Variants in SKIC2 observed in about 807,000 individuals in gnomAD.
The protein encoded by SKIC2 is SKI2 subunit of superkiller complex.
At chr6:31,961,159 G>A in the SKIC2 span, 1 of 1,611,072 alleles carries the variant, frequency 6.2e-7, no homozygotes, top group Non-Finnish European at 8.5e-7. Flanking sequence ...AACAGAGATG[G>A]ACATGACAAG....
the SKIC2 span, chr6:31,960,693 A>T: frequency 6.3e-7 from 1 of 1,586,956 alleles, no homozygotes; most frequent in Non-Finnish European, 8.6e-7. Context: ...ACCATAACAG[A>T]TCTGAACACA....
chr6:31,963,731 C>T, the SKIC2 span: 2 of 1,542,220 alleles, frequency 1.3e-6, no homozygotes, highest in East Asian at 2.3e-5. The surrounding 1 kb of genome is among the most constrained non-coding windows in gnomAD (Gnocchi z 5.3). Context: ...GGGCCCTGCA[C>T]AGGTGAGAAC....
the SKIC2 span, chr6:31,968,529 T>C: frequency 2.5e-6 from 4 of 1,612,586 alleles, no homozygotes; most frequent in African/African-American, 1.3e-5. The surrounding 1 kb of genome is among the most constrained non-coding windows in gnomAD (Gnocchi z 6.1). Flanking sequence ...GCCCCCGTTT[T>C]CCTGCCCAGG....
the SKIC2 span, chr6:31,966,939 G>C: frequency 1.2e-6 from 2 of 1,613,158 alleles, no homozygotes; most frequent in East Asian, 2.2e-5. The surrounding 1 kb of genome is among the most constrained non-coding windows in gnomAD (Gnocchi z 5.9). Flanking sequence ...TGTGTTGAGG[G>C]TGGGGAGTGT....
At chr6:31,964,371 C>A in the SKIC2 span, 1 of 1,569,440 alleles carries the variant, frequency 6.4e-7, no homozygotes, top group East Asian at 2.3e-5. The surrounding 1 kb of genome is among the most constrained non-coding windows in gnomAD (Gnocchi z 5.0). Context: ...AGGGACTCCT[C>A]AGGGTGCTTG....
chr6:31,960,367 TG>T, the SKIC2 span: 1 of 1,601,452 alleles, frequency 6.2e-7, no homozygotes, highest in African/African-American at 1.3e-5. Context: ...GAGAAACAGT[TG>T]GGGAGAAGGG....
chr6:31,965,471 CAAAA>C, the SKIC2 span, among the ~76,000 whole-genome samples: 677 of 152,106 alleles, frequency 4.5e-3, 11 homozygotes, highest in South Asian at 0.041. This position sits in a 1 kb window ranked among gnomAD's most constrained non-coding sequence, Gnocchi z 5.6. Context: ...TACAAGCTCA[CAAAA>C]GAAGACATGT....
chr6:31,959,439 GTCCAAACC>G, the SKIC2 span: 1 of 1,379,972 alleles, frequency 7.2e-7, no homozygotes, highest in Non-Finnish European at 1.0e-6. Context: ...CCCGCATTGA[GTCCAAACC>G]TCCTTCACCC....
At chr6:31,967,187 A>G in the SKIC2 span, 1 of 1,607,410 alleles carries the variant, frequency 6.2e-7, no homozygotes, top group African/African-American at 1.3e-5. The surrounding 1 kb of genome is among the most constrained non-coding windows in gnomAD (Gnocchi z 4.9). Context: ...AAGGGAAGAG[A>G]AGATCGTGTT....
the SKIC2 span, chr6:31,963,626 C>A: frequency 6.5e-7 from 1 of 1,535,190 alleles, no homozygotes. The surrounding 1 kb of genome is among the most constrained non-coding windows in gnomAD (Gnocchi z 5.3). Flanking sequence ...CTACCCCTCC[C>A]TGTGCCCCAG....
At chr6:31,963,306 G>T in the SKIC2 span, 1 of 1,087,508 alleles carries the variant, frequency 9.2e-7, no homozygotes. This position sits in a 1 kb window ranked among gnomAD's most constrained non-coding sequence, Gnocchi z 5.3. Flanking sequence ...CTTCCATTCT[G>T]GGTCTCAGAA....
At chr6:31,967,203 A>G in the SKIC2 span, 1 of 1,608,368 alleles carries the variant, frequency 6.2e-7, no homozygotes, top group African/African-American at 1.3e-5. This position sits in a 1 kb window ranked among gnomAD's most constrained non-coding sequence, Gnocchi z 4.9. Flanking sequence ...GTGTTACTCT[A>G]GGTGCTACTA....
At chr6:31,967,410 T>C in the SKIC2 span, 1 of 1,519,236 alleles carries the variant, frequency 6.6e-7, no homozygotes, top group South Asian at 1.1e-5. The surrounding 1 kb of genome is among the most constrained non-coding windows in gnomAD (Gnocchi z 4.9). Context: ...CTCCAGAGGG[T>C]GGGAGGGAGC....
the SKIC2 span, chr6:31,961,145 A>G: frequency 1.9e-6 from 3 of 1,606,366 alleles, no homozygotes; most frequent in East Asian, 2.2e-5. Context: ...TCCTTCTCCT[A>G]AGGAACAGAG....
At chr6:31,968,409 C>T in the SKIC2 span, 2 of 1,612,880 alleles carry the variant, frequency 1.2e-6, no homozygotes, top group Non-Finnish European at 1.7e-6. The surrounding 1 kb of genome is among the most constrained non-coding windows in gnomAD (Gnocchi z 6.1). Flanking sequence ...CCGGACCTCC[C>T]ACCCTCGACC....
At chr6:31,968,679 T>A in the SKIC2 span, 1 of 1,609,468 alleles carries the variant, frequency 6.2e-7, no homozygotes, top group Non-Finnish European at 8.5e-7. This position sits in a 1 kb window ranked among gnomAD's most constrained non-coding sequence, Gnocchi z 6.1. Context: ...CGGGTGGCTC[T>A]CTGCAGTACC....
At chr6:31,968,245 G>A in the SKIC2 span, 1 of 1,443,684 alleles carries the variant, frequency 6.9e-7, no homozygotes, top group South Asian at 1.2e-5. The surrounding 1 kb of genome is among the most constrained non-coding windows in gnomAD (Gnocchi z 6.1). Flanking sequence ...GGAGGTTGTA[G>A]TAAGAGGGCT....
chr6:31,959,846 T>G, the SKIC2 span: 1 of 608,220 alleles, frequency 1.6e-6, no homozygotes, highest in Non-Finnish European at 2.9e-6. Flanking sequence ...ATCCAAAATC[T>G]GCCCCAGGTA....
chr6:31,960,052 G>A, the SKIC2 span: 2 of 1,613,070 alleles, frequency 1.2e-6, no homozygotes, highest in Non-Finnish European at 1.7e-6. Flanking sequence ...TCTGCAGCAA[G>A]AAGCAGAACA....
Sources: allele counts gnomAD v4.1 joint callset (sites outside exome capture counted in the v4.1 genomes callset), GRCh38; gene constraint gnomAD v4.1.1; non-coding constraint Gnocchi (gnomAD v3.1); transcripts MANE v1.5; gene names NCBI Gene and HGNC (gene_info 2026-07-23, HGNC 2026-07-21).